The following PSD3 variants were observed in gnomAD, a reference collection of about 807,000 sequenced individuals.
PSD3 encodes the protein PH and SEC7 domain-containing protein 3.
In PSD3, 49 loss-of-function variants were observed where a neutral mutation model predicts 105.5. The ratio of observed to expected loss-of-function variants is 0.46; its 90% CI spans 0.37 to 0.59. The LOEUF (loss-of-function observed/expected upper bound fraction) is 0.59, where lower values mean the gene tolerates loss of function less well. Ranked by LOEUF, PSD3 falls within the 20% of genes least tolerant of loss-of-function variation. The probability of loss-of-function intolerance (pLI) is 0.00; values close to 1 mark genes in which losing one functional copy is unlikely to be tolerated. For synonymous variants in PSD3, 557 were observed against 457.8 expected, an observed-to-expected ratio of 1.22 and a Z score of -2.77; for missense variants, 1,561 against 1,263.8, an observed-to-expected ratio of 1.24 and a Z score of -3.57.
intron 9 of PSD3, among the ~76,000 whole-genome samples, chr8:18,724,354 G>C (rs972135900): frequency 6.6e-6 from 1 of 152,186 alleles, no homozygotes; most frequent in Non-Finnish European, 1.5e-5. Context: ...GCTCATGCTT[G>C]TAATCCCAGC....
At chr8:18,603,836 G>T (rs1014381889) in intron 11 of PSD3, among the ~76,000 whole-genome samples, 1 of 152,162 alleles carries the variant, frequency 6.6e-6, no homozygotes, top group African/African-American at 2.4e-5. Flanking sequence ...TTGAAGCCCT[G>T]TTCCCCCTTC....
chr8:18,775,747 G>A (rs984147324), intron 8 of PSD3, among the ~76,000 whole-genome samples: 1 of 152,092 alleles, frequency 6.6e-6, no homozygotes, highest in Non-Finnish European at 1.5e-5. Context: ...CAAATGGATA[G>A]CTCAAAAATA....
intron 1 of PSD3, among the ~76,000 whole-genome samples, chr8:19,011,225 T>A (rs1200333092): frequency 6.6e-6 from 1 of 152,226 alleles, no homozygotes; most frequent in East Asian, 1.9e-4. Flanking sequence ...CATTTTAATA[T>A]TCACATGGTT....
chr8:19,044,287 C>T (rs530274440), intron 1 of PSD3, among the ~76,000 whole-genome samples: 122 of 152,280 alleles, frequency 8.0e-4, no homozygotes, highest in Admixed American at 2.7e-3. Flanking sequence ...GCTTTTTCTC[C>T]TCAATCCACG....
Position 19,082,921 on chromosome 8 carries a change from T to A in PSD3, c.324+1285A>T, listed in dbSNP as rs533105146. ...CTCCAAGAGCGCTACTCTGGAGAGCTTTCTCCCCGTTTCTTAACTGTGGCT... is the reference window on the plus strand; with the variant it reads ...CTCCAAGAGCGCTACTCTGGAGAGCATTCTCCCCGTTTCTTAACTGTGGCT... On this transcript the variant is annotated intron_variant, in intron 1 of 1. Transcript: ENST00000521475. 5.9e-5 allele frequency among the ~76,000 whole-genome samples: 9 copies of A among 152,316 alleles called. No homozygotes were observed. In the South Asian group the frequency reaches 1.9e-3, roughly 32 times the overall value.
rs1183127114 is a variant in PSD3 at position 18,883,001 on chromosome 8, G to A, written c.131-10268C>T. Among the ~76,000 whole-genome samples, 5 of 152,018 alleles carry A rather than the reference G, an allele frequency of 3.3e-5. No individual in the cohort carries two copies. The East Asian group carries it at 9.7e-4, about 29-fold the overall frequency. ...ACAGAAAGCTCTATTTGAAAGTGCTGCCCTAGAGCCTTTCTACTCAGTGTG... is the reference window on the plus strand; with the variant it reads ...ACAGAAAGCTCTATTTGAAAGTGCTACCCTAGAGCCTTTCTACTCAGTGTG... On this transcript the variant is annotated intron_variant, in intron 2 of 15. Transcript: ENST00000327040.
Position 18,927,238 on chromosome 8 carries a change from G to A in PSD3, c.130+8796C>T, listed in dbSNP as rs540794661. On this transcript the variant is annotated intron_variant, in intron 2 of 15. Transcript: ENST00000327040. ...TTTTTGTTTTGTTTTTTCTGAGACA[G>A]AGTGTCACTCTGTTGCCCAGGCTGG... 2.0e-5 allele frequency among the ~76,000 whole-genome samples: 3 copies of A among 152,178 alleles called. No individual in the cohort carries two copies. In the East Asian group the frequency reaches 5.8e-4, roughly 30 times the overall value.
chr8:18,938,684 T>C (rs1468245645), intron 1 of PSD3, among the ~76,000 whole-genome samples: 1 of 150,294 alleles, frequency 6.7e-6, no homozygotes, highest in African/African-American at 2.4e-5. Context: ...GAATAGATAC[T>C]AACCACTTAC....
intron 11 of PSD3, among the ~76,000 whole-genome samples, chr8:18,604,677 C>G (rs1322268534): frequency 6.6e-6 from 1 of 152,202 alleles, no homozygotes; most frequent in Non-Finnish European, 1.5e-5. Flanking sequence ...ACCTTCACAG[C>G]AGCCCCTCTC....
intron 11 of PSD3, among the ~76,000 whole-genome samples, chr8:18,610,678 A>C (rs10503621): frequency 0.031 from 4,657 of 152,290 alleles, 118 homozygotes; most frequent in East Asian, 0.13. Context: ...CAACCAATGC[A>C]TATTTTGATA....
At chr8:19,050,348 A>G (rs1199197562) in intron 1 of PSD3, among the ~76,000 whole-genome samples, 1 of 152,202 alleles carries the variant, frequency 6.6e-6, no homozygotes, top group Non-Finnish European at 1.5e-5. Flanking sequence ...GGCTTAGAAA[A>G]TACAGAAAAA....
chr8:18,874,647 G>C (rs1817612014), intron 2 of PSD3, among the ~76,000 whole-genome samples: 1 of 145,860 alleles, frequency 6.9e-6, no homozygotes, highest in South Asian at 2.2e-4. Flanking sequence ...AGGTTGCAGT[G>C]AGCCGAGATT....
At chr8:18,765,575 CA>C in intron 8 of PSD3, 37 bp from the exon 9 acceptor site, 1 of 1,444,908 alleles carries the variant, frequency 6.9e-7, no homozygotes, top group Non-Finnish European at 9.7e-7. Flanking sequence ...CTATGACATT[CA>C]TGGAATTAAG....
At chr8:18,983,997 A>G (rs2129472949) in intron 1 of PSD3, among the ~76,000 whole-genome samples, 1 of 144,024 alleles carries the variant, frequency 6.9e-6, no homozygotes, top group Non-Finnish European at 1.5e-5. Context: ...AAAGTGAGAC[A>G]CTATCTCATT....
At chr8:19,029,978 G>A (rs1252424898) in intron 1 of PSD3, among the ~76,000 whole-genome samples, 1 of 152,100 alleles carries the variant, frequency 6.6e-6, no homozygotes, top group African/African-American at 2.4e-5. Context: ...TCTGTAAAGA[G>A]CCTTTTTGCA....
At chr8:18,692,977 ACTGGT>A (rs1801055761) in intron 9 of PSD3, among the ~76,000 whole-genome samples, 1 of 152,202 alleles carries the variant, frequency 6.6e-6, no homozygotes, top group Non-Finnish European at 1.5e-5. Context: ...GGGAGTTTGG[ACTGGT>A]ACTAGCTCAA....
Position 18,814,730 on chromosome 8 carries a change from G to T in PSD3, c.1635-9832C>A, listed in dbSNP as rs140096476. On this transcript the variant is annotated intron_variant, in intron 4 of 15. Transcript: ENST00000327040. Reference sequence around the variant, plus strand: ...AGCTTCTTTGGGCAAGGTAGGATCAGTGAGCCCCATTTCCGGTGGACAAGA... The same window carrying T: ...AGCTTCTTTGGGCAAGGTAGGATCATTGAGCCCCATTTCCGGTGGACAAGA... Among the ~76,000 whole-genome samples, 22 of 152,302 alleles carry T rather than the reference G, an allele frequency of 1.4e-4. No homozygotes were observed. In the East Asian group the frequency reaches 3.9e-3, roughly 27 times the overall value.
At chr8:18,638,427 A>C (rs1048797194) in intron 10 of PSD3, among the ~76,000 whole-genome samples, 1 of 152,104 alleles carries the variant, frequency 6.6e-6, no homozygotes, top group African/African-American at 2.4e-5. Context: ...TAGAACTGCT[A>C]AAGTCAGTAA....
intron 9 of PSD3, among the ~76,000 whole-genome samples, chr8:18,705,907 C>T (rs1249655217): frequency 6.6e-6 from 1 of 152,104 alleles, no homozygotes; most frequent in East Asian, 1.9e-4. Context: ...AAAAATACTA[C>T]TTTTCACAAA....
Sources: gnomAD v4.1 joint callset for allele counts (sites outside exome capture counted in the v4.1 genomes callset) on GRCh38, gnomAD v4.1.1 for gene constraint, MANE v1.5 for transcripts, NCBI Gene and HGNC (gene_info 2026-07-23, HGNC 2026-07-21) for gene names.